Variants in ERI1 observed in about 807,000 individuals in gnomAD.
ERI1 encodes 3'-5' exoribonuclease 1.
ERI1 carries 39 observed loss-of-function variants against 39.7 expected under a neutral mutation model. The observed-to-expected ratio is 0.98, with a 90% CI of 0.76 to 1.28. The LOEUF is 1.28. Among genes scored for constraint, ERI1 ranks in the 50% most tolerant of loss-of-function variants. The pLI, the probability that ERI1 is intolerant of heterozygous loss-of-function variation, is 0.00. For missense variants in ERI1, 581 were observed against 416.9 expected (o/e 1.39, Z -3.43); for synonymous variants, 204 against 149.6 (o/e 1.36, Z -2.65).
At chr8:9,064,779 T>C (rs1435913460) in intron 3 of ERI1, among the ~76,000 whole-genome samples, 1 of 151,988 alleles carries the variant, frequency 6.6e-6, no homozygotes, top group African/African-American at 2.4e-5. Flanking sequence ...TTGATCCGAG[T>C]CATGGCACCA....
chr8:9,089,814 A>C (rs1275106838), intron 3 of ERI1, among the ~76,000 whole-genome samples: 1 of 152,166 alleles, frequency 6.6e-6, no homozygotes, highest in Non-Finnish European at 1.5e-5. Context: ...TTAGCTTTTC[A>C]GTGAAGAAAT....
At chr8:9,055,120 G>A (rs1034043981) in intron 3 of ERI1, among the ~76,000 whole-genome samples, 1 of 152,176 alleles carries the variant, frequency 6.6e-6, no homozygotes, top group African/African-American at 2.4e-5. Flanking sequence ...CAGCCCCGTG[G>A]TGGAAGATTT....
chr8:9,015,838 T>C (rs1156448740), intron 3 of ERI1, among the ~76,000 whole-genome samples: 1 of 152,080 alleles, frequency 6.6e-6, no homozygotes. Context: ...CAGTTAAATT[T>C]TGACTATTTA....
At chr8:9,093,398 C>G (rs1415205911) in intron 3 of ERI1, among the ~76,000 whole-genome samples, 1 of 150,828 alleles carries the variant, frequency 6.6e-6, no homozygotes, top group Non-Finnish European at 1.5e-5. Context: ...GGGGTTGAAA[C>G]TTTAATATGT....
chr8:9,075,983 A>C (rs1251030920), intron 3 of ERI1, among the ~76,000 whole-genome samples: 1 of 152,074 alleles, frequency 6.6e-6, no homozygotes. Context: ...GCTGGAGTGC[A>C]GTGGCACAAT....
intron 3 of ERI1, among the ~76,000 whole-genome samples, chr8:9,081,597 C>A (rs1337379365): frequency 6.6e-6 from 1 of 152,148 alleles, no homozygotes; most frequent in Non-Finnish European, 1.5e-5. Context: ...CTCTTTCTTT[C>A]TATGGCTCTC....
At chr8:9,066,331 C>T (rs116343184) in intron 3 of ERI1, among the ~76,000 whole-genome samples, 313 of 152,296 alleles carry the variant, frequency 2.1e-3, no homozygotes, top group African/African-American at 7.1e-3. Flanking sequence ...AGTTGGTGTC[C>T]ACAGATGGAT....
At chr8:9,011,397 T>TC in intron 2 of ERI1, 145 bp from the exon 3 acceptor site, 1 of 495,718 alleles carries the variant, frequency 2.0e-6, no homozygotes, top group Non-Finnish European at 3.6e-6. Flanking sequence ...TAGCTTTGAG[T>TC]CTTGCTTTTC....
At chr8:9,093,691 C>T (rs1402615880) in intron 3 of ERI1, among the ~76,000 whole-genome samples, 1 of 152,178 alleles carries the variant, frequency 6.6e-6, no homozygotes, top group Non-Finnish European at 1.5e-5. Flanking sequence ...CCTCAGCCTC[C>T]TGAGTAGCTG....
intron 2 of ERI1, among the ~76,000 whole-genome samples, chr8:9,009,671 C>G (rs1392292687): frequency 2.0e-5 from 3 of 152,062 alleles, no homozygotes; most frequent in African/African-American, 7.2e-5. Context: ...TCCTGAGTAG[C>G]TCGGATTACA....
intron 6 of ERI1, among the ~76,000 whole-genome samples, chr8:9,021,953 A>C (rs1441211148): frequency 2.0e-5 from 3 of 151,764 alleles, no homozygotes; most frequent in Non-Finnish European, 4.4e-5. Flanking sequence ...GAGTACTTTT[A>C]TAAGCATTGT....
At chr8:9,062,226 T>G (rs1160976191) in intron 3 of ERI1, among the ~76,000 whole-genome samples, 2 of 151,886 alleles carry the variant, frequency 1.3e-5, no homozygotes, top group South Asian at 2.1e-4. Context: ...TTAATGAGAT[T>G]GTAAGGGGTG....
chr8:9,039,411 G>A (rs985750647), intron 3 of ERI1, among the ~76,000 whole-genome samples: 1 of 151,994 alleles, frequency 6.6e-6, no homozygotes, highest in Non-Finnish European at 1.5e-5. Context: ...GTCAGAAAAA[G>A]GTCTGGCTTG....
At position 9,008,034 on chromosome 8, in the gene ERI1, C is replaced by T. The variant is rs771702218; in HGVS notation, c.173C>T (p.Ala58Val). 1.4e-5 allele frequency: 23 copies of T among 1,598,072 alleles called. No homozygotes were observed. The Middle Eastern group carries it at 5.0e-4, about 35-fold the overall frequency. ...GGATCCAAGTTCATTACCTCCAGTG[C>T]GAGTGACTTCAGTGACCCGGTTTAC... ...TKGSKFITSSASDFSDPVYKE... is the reference protein window; with the variant it reads ...TKGSKFITSSVSDFSDPVYKE... The change falls in exon 2 of 7, where the codon GCG (alanine) becomes GTG (valine). Residue 58 changes from alanine (A) to valine (V), a missense_variant. By Grantham distance (64) the Ala-to-Val change is moderately conservative. Transcript: ENST00000250263.
At chr8:9,046,892 G>A (rs1798190465) in intron 3 of ERI1, among the ~76,000 whole-genome samples, 3 of 152,188 alleles carry the variant, frequency 2.0e-5, no homozygotes, top group African/African-American at 4.8e-5. Context: ...TCCAGGCAGA[G>A]CCAATTTCAC....
At chr8:9,037,722 G>A (rs1797897118), downstream of ERI1, among the ~76,000 whole-genome samples, 1 of 152,026 alleles carries the variant, frequency 6.6e-6, no homozygotes, top group African/African-American at 2.4e-5. Context: ...TTACAGATAG[G>A]AGCTATCCCC....
intron 6 of ERI1, among the ~76,000 whole-genome samples, chr8:9,021,479 GGTGCTTTTC>G (rs1332641573): frequency 4.6e-5 from 7 of 152,096 alleles, no homozygotes; most frequent in African/African-American, 1.7e-4. Flanking sequence ...CATGAGAAAA[GGTGCTTTTC>G]CTTACAGACT....
chr8:9,090,792 A>G (rs1313186635), intron 3 of ERI1, among the ~76,000 whole-genome samples: 1 of 152,212 alleles, frequency 6.6e-6, no homozygotes, highest in Non-Finnish European at 1.5e-5. Context: ...ACAACAACAC[A>G]ATAAAACAAT....
At chr8:9,051,904 T>G (rs1410105884) in intron 3 of ERI1, among the ~76,000 whole-genome samples, 1 of 152,200 alleles carries the variant, frequency 6.6e-6, no homozygotes, top group African/African-American at 2.4e-5. Flanking sequence ...CAGAGTCGTT[T>G]TGTAGCCATC....
Sources: gnomAD v4.1 joint callset for allele counts (sites outside exome capture counted in the v4.1 genomes callset) on GRCh38, gnomAD v4.1.1 for gene constraint, MANE v1.5 for transcripts, NCBI Gene and HGNC (gene_info 2026-07-23, HGNC 2026-07-21) for gene names.